Variants in PARP11 observed in about 807,000 individuals in gnomAD.
PARP11 encodes poly(ADP-ribose) polymerase family member 11.
In PARP11, 31 loss-of-function variants were observed where a neutral mutation model predicts 42.9. The observed-to-expected ratio is 0.72, with a 90% CI of 0.54 to 0.98. The LOEUF is 0.98. Among genes scored for constraint, PARP11 ranks in the 50% least tolerant of loss-of-function variants. The pLI is 0.00. For missense variants in PARP11, 365 were observed against 413.1 expected (o/e 0.88, Z 1.01); for synonymous variants, 137 against 127.3 (o/e 1.08, Z -0.51).
At chr12:3,815,160 T>C (rs1317817565) in intron 6 of PARP11, 1 of 428,958 alleles carries the variant, frequency 2.3e-6, no homozygotes, top group Non-Finnish European at 4.7e-6. Flanking sequence ...TTGAAACATT[T>C]CATAAAAATC....
rs1948288518 is a variant in PARP11 at position 3,861,311 on chromosome 12, T to C, written c.18+11901A>G. ...ATATGAAAATGGGGCCTTTGGGAGG[T>C]GATTAGATCATGAAGGCAAAGTCCT... On this transcript the variant is annotated intron_variant, in intron 1 of 7. Transcript: ENST00000228820. The surrounding 1 kb of genome is among the most constrained non-coding windows in gnomAD (Gnocchi z 4.6). 6.6e-6 allele frequency among the ~76,000 whole-genome samples: 1 copy of C among 152,128 alleles called. No homozygotes were observed. The highest frequency in any genetic ancestry group is 2.1e-4 in the South Asian group (1 of 4,822).
intron 2 of PARP11, 48 bp from the exon 3 acceptor site, chr12:3,829,078 G>C: frequency 6.2e-7 from 1 of 1,608,432 alleles, no homozygotes; most frequent in Non-Finnish European, 8.5e-7. Flanking sequence ...TCACATTAAT[G>C]ACTTGGCCAC....
chr12:3,839,623 GCCCTTTCTC>G, intron 1 of PARP11: 2 of 1,048,872 alleles, frequency 1.9e-6, no homozygotes, highest in Non-Finnish European at 3.0e-6. Context: ...GGAAATAAGT[GCCCTTTCTC>G]TTATGTACAG....
chr12:3,846,778 A>AG, intron 1 of PARP11, among the ~76,000 whole-genome samples: 1 of 122,702 alleles, frequency 8.1e-6, no homozygotes, highest in Non-Finnish European at 1.7e-5. Flanking sequence ...AAAAGAAAAG[A>AG]AAAAAGAAAT....
chr12:3,840,944 C>A lies in PARP11; in HGVS notation c.19-10926G>T, dbSNP rs961170296. 7.5e-6 allele frequency: 12 copies of A among 1,606,428 alleles called. No homozygotes were observed. In the African/African-American group the frequency reaches 1.6e-4, roughly 21 times the overall value. ...CTAACTCCTGCAGTGCCTTCTTTACCAGCCACTGTGCCAGCCTGGCCAAGT... is the reference window on the plus strand; with the variant it reads ...CTAACTCCTGCAGTGCCTTCTTTACAAGCCACTGTGCCAGCCTGGCCAAGT... On this transcript the variant is annotated intron_variant, in intron 1 of 7. Transcript: ENST00000228820. The surrounding 1 kb of genome is among the most constrained non-coding windows in gnomAD (Gnocchi z 4.4).
intron 1 of PARP11, among the ~76,000 whole-genome samples, chr12:3,834,330 A>G (rs1947711846): frequency 6.6e-6 from 1 of 152,180 alleles, no homozygotes; most frequent in African/African-American, 2.4e-5. Flanking sequence ...CCCATGCCTA[A>G]GGGCATTATC....
intron 3 of PARP11, among the ~76,000 whole-genome samples, chr12:3,827,526 T>C (rs924369639): frequency 1.3e-5 from 2 of 152,100 alleles, no homozygotes; most frequent in Non-Finnish European, 2.9e-5. Context: ...TAAAAATGCC[T>C]ACCAGATACC....
Position 3,840,868 on chromosome 12 carries a change from C to T in PARP11, c.19-10850G>A. The T allele has an allele frequency of 6.3e-7, 1 of 1,599,412 alleles. No individual in the cohort carries two copies. The highest frequency in any genetic ancestry group is 8.6e-7 in the Non-Finnish European group (1 of 1,166,530). The stretch of plus-strand genomic sequence containing the variant: ...TCCTGCAGAACAAAAGCCAGCAGAA[C>T]ATGTGTCTTTGTCAAATCCAGCTCC... On this transcript the variant is annotated intron_variant, in intron 1 of 7. Coordinates refer to ENST00000228820, the MANE Select transcript of PARP11 (RefSeq NM_020367.6). This position sits in a 1 kb window ranked among gnomAD's most constrained non-coding sequence, Gnocchi z 4.4.
In PARP11 at chr12:3,811,411, A is replaced by T. The variant is rs997914173; in HGVS notation, c.*712T>A. On this transcript the variant is annotated 3_prime_UTR_variant, in exon 8 of 8. Transcript: ENST00000228820. ...AGAATCCAAGAGCCCTGATGGATGA[A>T]GTGTAGGCTAATGACATTTTGCAGC... 6 of 152,216 alleles carry T rather than the reference A, an allele frequency of 3.9e-5. No individual in the cohort carries two copies. The highest frequency in any genetic ancestry group is 1.4e-4 in the African/African-American group (6 of 41,450). 9.4% of individuals were successfully genotyped at this position (152,216 alleles called of 1,614,324 possible). A position where few individuals can be genotyped will look rare whatever the true frequency, so the allele number is the denominator to read the frequency against.
chr12:3,836,951 G>C (rs1947778230), intron 1 of PARP11, among the ~76,000 whole-genome samples: 1 of 152,152 alleles, frequency 6.6e-6, no homozygotes, highest in Non-Finnish European at 1.5e-5. Context: ...ACCATCTTGG[G>C]TTCCCTGACA....
In PARP11 at chr12:3,840,400, A is replaced by G; in HGVS notation, c.19-10382T>C. The G allele has an allele frequency of 3.1e-6, 5 of 1,613,938 alleles. No individual in the cohort carries two copies. The highest frequency in any genetic ancestry group is 4.2e-6 in the Non-Finnish European group (5 of 1,179,780). The stretch of plus-strand genomic sequence containing the variant: ...GGATTACAGAGGGCCAAAGAATCCA[A>G]GCAAGCCAATAAAAGCCCCATTAGC... On this transcript the variant is annotated intron_variant, in intron 1 of 7. Transcript: ENST00000228820. The surrounding 1 kb of genome is among the most constrained non-coding windows in gnomAD (Gnocchi z 4.4).
intron 1 of PARP11, among the ~76,000 whole-genome samples, chr12:3,848,719 T>G (rs981104938): frequency 6.6e-6 from 1 of 151,838 alleles, no homozygotes; most frequent in Admixed American, 6.6e-5. Context: ...AAGAAAACAC[T>G]GGGGAAATAA....
At chr12:3,852,439 T>G (rs984263829) in intron 1 of PARP11, among the ~76,000 whole-genome samples, 1 of 152,170 alleles carries the variant, frequency 6.6e-6, no homozygotes, top group African/African-American at 2.4e-5. Context: ...AGAGAAGACC[T>G]TAAATGACCT....
Position 3,822,464 on chromosome 12 carries a change from G to A in PARP11, c.345-307C>T, listed in dbSNP as rs12296366. ...ATACAAAAAAATTAGCCAGGCGTGGGGGCGGGCGCCTGTAGTCCCAGCTAC... is the reference window on the plus strand; with the variant it reads ...ATACAAAAAAATTAGCCAGGCGTGGAGGCGGGCGCCTGTAGTCCCAGCTAC... On this transcript the variant is annotated intron_variant, in intron 4 of 7. Transcript: ENST00000228820. Among the ~76,000 whole-genome samples, 4 of 126,612 alleles carry A rather than the reference G, an allele frequency of 3.2e-5. No individual in the cohort carries two copies. The East Asian group carries it at 8.3e-4, about 26-fold the overall frequency. 83.1% of individuals were successfully genotyped at this position (126,612 alleles called of 152,430 possible).
At chr12:3,818,589 C>G (rs940987040) in intron 6 of PARP11, among the ~76,000 whole-genome samples, 1 of 152,196 alleles carries the variant, frequency 6.6e-6, no homozygotes, top group Non-Finnish European at 1.5e-5. Flanking sequence ...CCCACATTAG[C>G]TGTCTTCTCA....
At chr12:3,820,895 T>C (rs921196463) in intron 6 of PARP11, among the ~76,000 whole-genome samples, 1 of 152,182 alleles carries the variant, frequency 6.6e-6, no homozygotes, top group African/African-American at 2.4e-5. Context: ...GAATAAAACC[T>C]GAAATGTACG....
chr12:3,836,569 G>A (rs1054002973), intron 1 of PARP11, among the ~76,000 whole-genome samples: 1 of 152,188 alleles, frequency 6.6e-6, no homozygotes, highest in African/African-American at 2.4e-5. Flanking sequence ...TATAATTGCT[G>A]ATTTCTCCTT....
chr12:3,840,925 C>G lies in PARP11; in HGVS notation c.19-10907G>C. ...AGTTTCTCCAGAGGTACATCTAACT[C>G]CTGCAGTGCCTTCTTTACCAGCCAC... On this transcript the variant is annotated intron_variant, in intron 1 of 7. Transcript: ENST00000228820. The surrounding 1 kb of genome is among the most constrained non-coding windows in gnomAD (Gnocchi z 4.4). 6.2e-7 allele frequency: 1 copy of G among 1,604,162 alleles called. No homozygotes were observed. The highest frequency in any genetic ancestry group is 8.5e-7 in the Non-Finnish European group (1 of 1,170,976).
At chr12:3,822,467 C>T (rs1386915032) in intron 4 of PARP11, among the ~76,000 whole-genome samples, 3 of 144,708 alleles carry the variant, frequency 2.1e-5, no homozygotes, top group Non-Finnish European at 4.5e-5. Context: ...GGCGTGGGGG[C>T]GGGCGCCTGT....
Sources: gnomAD v4.1 joint callset for allele counts (sites outside exome capture counted in the v4.1 genomes callset) on GRCh38, gnomAD v4.1.1 for gene constraint, Gnocchi (gnomAD v3.1) non-coding constraint, MANE v1.5 for transcripts, NCBI Gene and HGNC (gene_info 2026-07-23, HGNC 2026-07-21) for gene names.